Variants in GLB1L3 observed in about 807,000 individuals in gnomAD.
GLB1L3 encodes beta-galactosidase-1-like protein 3.
In GLB1L3, 89 loss-of-function variants were observed where a neutral mutation model predicts 89.5. The ratio of observed to expected loss-of-function variants is 0.99; its 90% CI spans 0.84 to 1.19. The LOEUF (loss-of-function observed/expected upper bound fraction) is 1.19, where lower values mean the gene tolerates loss of function less well. GLB1L3 is among the 50% of genes most tolerant of loss of function. The pLI, the probability that GLB1L3 is intolerant of heterozygous loss-of-function variation, is 0.00. For synonymous variants in GLB1L3, 314 were observed against 312.3 expected, an observed-to-expected ratio of 1.01 and a Z score of -0.06; for missense variants, 812 against 813.3, an observed-to-expected ratio of 1.00 and a Z score of 0.02.
chr11:134,282,989 T>G (rs1210734475), intron 5 of GLB1L3, among the ~76,000 whole-genome samples: 1 of 152,162 alleles, frequency 6.6e-6, no homozygotes, highest in Non-Finnish European at 1.5e-5. Flanking sequence ...GCACGTAGGC[T>G]CCTGCCCTGA....
At chr11:134,307,883 T>G (rs1380993587) in intron 10 of GLB1L3, among the ~76,000 whole-genome samples, 1 of 152,034 alleles carries the variant, frequency 6.6e-6, no homozygotes, top group African/African-American at 2.4e-5. Context: ...TGGCAGTCGT[T>G]TACTTAATAG....
downstream of GLB1L3, among the ~76,000 whole-genome samples, chr11:134,321,918 T>A (rs1006291339): frequency 4.1e-5 from 6 of 147,886 alleles, no homozygotes; most frequent in East Asian, 2.0e-4. Context: ...TAAAGTATAA[T>A]AAAAAAAAAA....
intron 18 of GLB1L3, among the ~76,000 whole-genome samples, chr11:134,315,541 G>A (rs1942942109): frequency 6.6e-6 from 1 of 152,110 alleles, no homozygotes; most frequent in South Asian, 2.1e-4. Context: ...TTAGCTTTGA[G>A]AAAATATATT....
At chr11:134,322,810 C>T (rs1171814138), downstream of GLB1L3, among the ~76,000 whole-genome samples, 1 of 152,120 alleles carries the variant, frequency 6.6e-6, no homozygotes, top group Middle Eastern at 3.2e-3. Flanking sequence ...TTTATCCATT[C>T]ATCAGTGGAT....
chr11:134,305,325 T>C (rs1942148425), intron 9 of GLB1L3: 2 of 489,712 alleles, frequency 4.1e-6, no homozygotes. Flanking sequence ...AGTATGCTTC[T>C]TACTTAGGAG....
chr11:134,278,585 A>G (rs1940512180), intron 3 of GLB1L3, among the ~76,000 whole-genome samples: 2 of 152,130 alleles, frequency 1.3e-5, no homozygotes, highest in African/African-American at 2.4e-5. Flanking sequence ...CTGACCAGCC[A>G]CCCTGTATGA....
At chr11:134,298,755 A>G (rs986251205) in intron 9 of GLB1L3, among the ~76,000 whole-genome samples, 2 of 152,146 alleles carry the variant, frequency 1.3e-5, no homozygotes, top group South Asian at 2.1e-4. Flanking sequence ...TGTAAGTCCA[A>G]TTAAACCTCT....
At position 134,312,860 on chromosome 11, in the gene GLB1L3, T is replaced by C. The variant is rs372842855; in HGVS notation, c.1473T>C (p.Asn491=). 7.3e-5 allele frequency: 118 copies of C among 1,611,324 alleles called. No homozygotes were observed. Among genetic ancestry groups the C allele is most frequent in the Middle Eastern group, 1.6e-4 (1 of 6,074 alleles). Residue 491 remains asparagine (N), a synonymous_variant, in exon 15 of 20, where the codon AAT becomes AAC. Coordinates refer to ENST00000431683, the MANE Select transcript of GLB1L3 (RefSeq NM_001080407.3). ...TGATAGGGATTCTGAATGAGAATAA[T>C]AAGGACCTGCACATTCCTGAACTCA... The part of the protein sequence containing the change: ...ETMIGILNEN[N]KDLHIPELRD...
chr11:134,299,853 T>G (rs553307644), intron 9 of GLB1L3, among the ~76,000 whole-genome samples: 5 of 152,160 alleles, frequency 3.3e-5, no homozygotes, highest in Non-Finnish European at 5.9e-5. Flanking sequence ...TCCTAGCATG[T>G]GTTCCTCCTT....
chr11:134,300,533 A>G (rs1335907449), intron 9 of GLB1L3, among the ~76,000 whole-genome samples: 1 of 151,772 alleles, frequency 6.6e-6, no homozygotes, highest in Non-Finnish European at 1.5e-5. Flanking sequence ...ACGGGGTTTC[A>G]CCGTGTTAGC....
intron 9 of GLB1L3, among the ~76,000 whole-genome samples, chr11:134,298,555 G>A (rs1196848154): frequency 1.3e-5 from 2 of 152,146 alleles, no homozygotes; most frequent in African/African-American, 4.8e-5. Flanking sequence ...GACCCGGTGG[G>A]AAGTAATTGA....
rs773286045 is a variant in GLB1L3, at chr11:134,312,869, G to T, written c.1482G>T (p.Leu494=). The T allele has an allele frequency of 1.9e-6, 3 of 1,608,638 alleles. No homozygotes were observed. Among genetic ancestry groups the T allele is most frequent in the Non-Finnish European group, 2.6e-6 (3 of 1,176,094 alleles). ...IGILNENNKD[L]HIPELRDCRY... ...TTCTGAATGAGAATAATAAGGACCT[G>T]CACATTCCTGAACTCAGGGTATGTA... The change falls in exon 15 of 20, where the codon CTG becomes CTT. Residue 494 remains leucine (L), a synonymous_variant. Transcript: ENST00000431683.
intron 5 of GLB1L3, 149 bp from the exon 6 acceptor site, chr11:134,283,588 G>T: frequency 1.7e-6 from 1 of 581,450 alleles, no homozygotes; most frequent in East Asian, 2.9e-5. Context: ...GTCTCACGCG[G>T]CACAGATCTT....
chr11:134,310,714 A>G, intron 12 of GLB1L3, 63 bp downstream of exon 12: 1 of 1,310,844 alleles, frequency 7.6e-7, no homozygotes, highest in Non-Finnish European at 1.1e-6. Flanking sequence ...GTTCTGTGGA[A>G]AAGTGAGGAA....
chr11:134,295,351 G>A (rs1201661187), intron 9 of GLB1L3, among the ~76,000 whole-genome samples: 1 of 152,072 alleles, frequency 6.6e-6, no homozygotes, highest in African/African-American at 2.4e-5. Context: ...ATCTTTCAAG[G>A]ATTTATTCTA....
intron 7 of GLB1L3, chr11:134,289,138 C>T (rs1040885861): frequency 5.2e-6 from 2 of 388,286 alleles, no homozygotes; most frequent in Middle Eastern, 7.0e-4. Flanking sequence ...AATAAACAGT[C>T]GATTAATGCA....
chr11:134,319,056 G>T lies in GLB1L3; in HGVS notation c.*114G>T. 1 of 734,076 alleles carries T rather than the reference G, an allele frequency of 1.4e-6. No homozygotes were observed. Among genetic ancestry groups the T allele is most frequent in the Non-Finnish European group, 2.3e-6 (1 of 430,094 alleles). 45.5% of individuals were successfully genotyped at this position (734,076 alleles called of 1,614,324 possible). On this transcript the variant is annotated 3_prime_UTR_variant, in exon 20 of 20. Coordinates refer to ENST00000431683, the MANE Select transcript of GLB1L3 (RefSeq NM_001080407.3). Reference sequence around the variant, plus strand: ...TGCAAGCTCAGCCTCTCGGGTTCACGCCATTCTCCTGCCTCAGCCTCCCCA... The same window carrying T: ...TGCAAGCTCAGCCTCTCGGGTTCACTCCATTCTCCTGCCTCAGCCTCCCCA...
intron 3 of GLB1L3, among the ~76,000 whole-genome samples, chr11:134,280,019 C>G (rs1023432728): frequency 1.3e-5 from 2 of 151,876 alleles, no homozygotes; most frequent in Admixed American, 1.3e-4. Flanking sequence ...CTAATATATT[C>G]CTTCAAAGAT....
chr11:134,281,260 T>C (rs1940669223), intron 3 of GLB1L3, 117 bp from the exon 4 acceptor site: 1 of 1,184,288 alleles, frequency 8.4e-7, no homozygotes, highest in South Asian at 1.2e-5. Flanking sequence ...CACTGGTAAC[T>C]TCAACTTATT....
Sources: allele counts gnomAD v4.1 joint callset (sites outside exome capture counted in the v4.1 genomes callset), GRCh38; gene constraint gnomAD v4.1.1; transcripts MANE v1.5; gene names NCBI Gene and HGNC (gene_info 2026-07-23, HGNC 2026-07-21).